Variants in PDSS1 observed in about 807,000 individuals in gnomAD.
PDSS1 encodes all trans-polyprenyl-diphosphate synthase PDSS1.
PDSS1 carries 43 observed loss-of-function variants against 57.5 expected under a neutral mutation model. That is an observed-to-expected ratio of 0.75 (90% CI 0.59 to 0.96). PDSS1 has a LOEUF of 0.96. Among genes scored for constraint, PDSS1 ranks in the 50% least tolerant of loss-of-function variants. PDSS1 has a pLI of 0.00. For missense variants in PDSS1, 438 were observed against 527.8 expected (o/e 0.83, Z 1.67); for synonymous variants, 175 against 191.3 (o/e 0.91, Z 0.70).
At chr10:26,729,467 G>A (rs1012885031) in intron 8 of PDSS1, among the ~76,000 whole-genome samples, 2 of 152,142 alleles carry the variant, frequency 1.3e-5, no homozygotes, top group Non-Finnish European at 2.9e-5. Flanking sequence ...TAACACCACA[G>A]GATTTGTGGT....
At position 26,702,120 on chromosome 10, in the gene PDSS1, A is replaced by T. The variant is rs781645551; in HGVS notation, c.130-42A>T. The T allele has an allele frequency of 3.4e-5, 15 of 442,222 alleles. 1 individual carries two copies. The highest frequency in any genetic ancestry group is 2.4e-4 in the South Asian group (15 of 62,878). The allele number at this position is 442,222 out of a possible 1,614,324, so 27.4% of individuals were successfully genotyped here. A position where few individuals can be genotyped will look rare whatever the true frequency, so the allele number is the denominator to read the frequency against. On this transcript the variant is annotated intron_variant, in intron 1 of 11. Transcript: ENST00000376215. The stretch of plus-strand genomic sequence containing the variant: ...ACATTTAACCAATACCTGTACTCCC[A>T]TTGTATCTTGGATGTAACGTAACTT...
At chr10:26,704,841 T>C in intron 3 of PDSS1, 100 bp downstream of exon 3, 1 of 716,970 alleles carries the variant, frequency 1.4e-6, no homozygotes, top group Non-Finnish European at 2.5e-6. Context: ...CTCACTGTGT[T>C]GCCCAGGCTG....
intron 11 of PDSS1, among the ~76,000 whole-genome samples, chr10:26,743,292 C>T (rs560635222): frequency 6.6e-5 from 10 of 152,178 alleles, no homozygotes; most frequent in Admixed American, 2.0e-4. Context: ...CTGTCATTTG[C>T]AGCCAACAGA....
intron 6 of PDSS1, among the ~76,000 whole-genome samples, chr10:26,721,336 A>G (rs1295993420): frequency 6.7e-6 from 1 of 149,292 alleles, no homozygotes; most frequent in South Asian, 2.1e-4. Context: ...CAACTACCCC[A>G]CCCTCACCTC....
At chr10:26,715,700 C>T (rs1835549887) in intron 5 of PDSS1, 1 of 152,042 alleles carries the variant, frequency 6.6e-6, no homozygotes, top group African/African-American at 2.4e-5. Flanking sequence ...CCTGGGCACT[C>T]CTACACTTTC....
At chr10:26,743,457 T>C (rs1836698772) in intron 11 of PDSS1, among the ~76,000 whole-genome samples, 2 of 152,212 alleles carry the variant, frequency 1.3e-5, no homozygotes. Context: ...AGGTTATTTT[T>C]CTCTCTTAAC....
Position 26,742,593 on chromosome 10 carries a change from TA to T in PDSS1, c.1107+24del, listed in dbSNP as rs536412815. 67 of 1,531,820 alleles carry T rather than the reference TA, an allele frequency of 4.4e-5. No homozygotes were observed. Among genetic ancestry groups the T allele is most frequent in the Non-Finnish European group, 5.1e-5 (56 of 1,106,860 alleles). 94.9% of individuals were successfully genotyped at this position (1,531,820 alleles called of 1,614,324 possible). On this transcript the variant is annotated intron_variant, in intron 11 of 11. Transcript: ENST00000376215. ...TGTACTACAGGTAAGACTGTTTTTT[TA>T]AAAAAAAGGCAGCAGCAGGAACAAC...
chr10:26,735,392 G>C, intron 9 of PDSS1, 72 bp downstream of exon 9: 1 of 1,390,240 alleles, frequency 7.2e-7, no homozygotes, highest in Non-Finnish European at 1.0e-6. Context: ...GTGTGTAATC[G>C]TCAAAATAGT....
chr10:26,697,901 G>C (rs1834919622), intron 1 of PDSS1, 61 bp downstream of exon 1: 1 of 1,231,726 alleles, frequency 8.1e-7, no homozygotes, highest in African/African-American at 1.6e-5. Flanking sequence ...TGACAGCAGT[G>C]GGCGGAATGA....
chr10:26,729,454 A>G (rs192452634), intron 8 of PDSS1, among the ~76,000 whole-genome samples: 1 of 152,330 alleles, frequency 6.6e-6, no homozygotes, highest in East Asian at 1.9e-4. Context: ...TTCCAAATCC[A>G]TCTAACACCA....
chr10:26,708,019 G>T (rs1042721381), intron 4 of PDSS1, among the ~76,000 whole-genome samples: 3 of 152,168 alleles, frequency 2.0e-5, no homozygotes, highest in African/African-American at 7.2e-5. Context: ...TCTCCTCCCT[G>T]TCTCAGCTTC....
In PDSS1 at chr10:26,728,022, C is replaced by T. The variant is rs77337391; in HGVS notation, c.831+3899C>T. On this transcript the variant is annotated intron_variant, in intron 8 of 11. Transcript: ENST00000376215. ...TACCAGGAGGCGCGTGCTGTCTTGT[C>T]TGTCCCATTACTGGTGATGCATGCC... 8.2e-3 allele frequency among the ~76,000 whole-genome samples: 1,250 copies of T among 152,264 alleles called. 35 individuals carry two copies. The East Asian group carries it at 0.088, about 11-fold the overall frequency.
intron 8 of PDSS1, among the ~76,000 whole-genome samples, chr10:26,730,211 C>A (rs1430130570): frequency 6.6e-6 from 1 of 152,004 alleles, no homozygotes; most frequent in Non-Finnish European, 1.5e-5. Flanking sequence ...CGCGCCCAGC[C>A]TAGTTGGATT....
intron 4 of PDSS1, among the ~76,000 whole-genome samples, chr10:26,706,750 A>T (rs1024000684): frequency 2.0e-5 from 3 of 152,070 alleles, no homozygotes; most frequent in African/African-American, 7.2e-5. Context: ...TCTCCTCTGA[A>T]GCTGGTTTTG....
chr10:26,725,363 CAGA>C (rs1454595045), intron 8 of PDSS1, among the ~76,000 whole-genome samples: 1 of 152,126 alleles, frequency 6.6e-6, no homozygotes, highest in Non-Finnish European at 1.5e-5. Flanking sequence ...AATTGCAAGG[CAGA>C]AAAGAATGAG....
chr10:26,706,714 A>G (rs573244714), intron 4 of PDSS1, among the ~76,000 whole-genome samples: 3 of 152,030 alleles, frequency 2.0e-5, no homozygotes, highest in Admixed American at 1.3e-4. Context: ...TCCCTCCACT[A>G]TTGCACTGGG....
intron 3 of PDSS1, 83 bp from the exon 4 acceptor site, chr10:26,705,203 T>A (rs551591409): frequency 1.3e-6 from 1 of 786,338 alleles, no homozygotes; most frequent in African/African-American, 1.7e-5. Context: ...TTGGGCTGAA[T>A]TTTCCGTATC....
At chr10:26,714,318 AT>A (rs577336895) in intron 5 of PDSS1, among the ~76,000 whole-genome samples, 350 of 152,190 alleles carry the variant, frequency 2.3e-3, no homozygotes, top group African/African-American at 7.9e-3. Context: ...TACAAAAAAT[AT>A]AAAAATTAGC....
At position 26,719,722 on chromosome 10, in the gene PDSS1, C is replaced by T. The variant is rs75037828; in HGVS notation, c.468-496C>T. Among the ~76,000 whole-genome samples, 1,264 of 152,230 alleles carry T rather than the reference C, an allele frequency of 8.3e-3. 34 individuals carry two copies. The East Asian group carries it at 0.088, about 11-fold the overall frequency. On this transcript the variant is annotated intron_variant, in intron 5 of 11. Transcript: ENST00000376215. ...AGGCGAAGGTTGTGAGCCAATATTG[C>T]ACCACTGCACTCCAGCCTGGGTGAC...
Sources: gnomAD v4.1 joint callset for allele counts (sites outside exome capture counted in the v4.1 genomes callset) on GRCh38, gnomAD v4.1.1 for gene constraint, MANE v1.5 for transcripts, NCBI Gene and HGNC (gene_info 2026-07-23, HGNC 2026-07-21) for gene names.